RNF8: variants seen among roughly 807,000 people sequenced by gnomAD.
RNF8 encodes ring finger protein 8.
In RNF8, 8 loss-of-function variants were observed where a neutral mutation model predicts 59.3. The ratio of observed to expected loss-of-function variants is 0.13; its 90% CI spans 0.08 to 0.24. RNF8 has a LOEUF of 0.24. RNF8 is among the 10% of genes least tolerant of loss of function. The probability of loss-of-function intolerance (pLI) is 1.00; values close to 1 mark genes in which losing one functional copy is unlikely to be tolerated. For synonymous variants in RNF8, 162 were observed against 200.0 expected (o/e 0.81, Z 1.60); for missense variants, 406 against 572.6 (o/e 0.71, Z 2.97).
chr6:37,361,748 A>C (rs543814733), intron 2 of RNF8, among the ~76,000 whole-genome samples: 20 of 152,350 alleles, frequency 1.3e-4, no homozygotes, highest in African/African-American at 4.8e-4. Context: ...GTTGGAAAGT[A>C]TCTTCCTGCT....
At chr6:37,375,536 C>T (rs1044415172) in intron 5 of RNF8, among the ~76,000 whole-genome samples, 2 of 152,218 alleles carry the variant, frequency 1.3e-5, no homozygotes, top group Non-Finnish European at 2.9e-5. Context: ...ATCCCACCCC[C>T]TCCATGTACC....
At chr6:37,357,543 A>G (rs1042370519) in intron 1 of RNF8, among the ~76,000 whole-genome samples, 20 of 152,232 alleles carry the variant, frequency 1.3e-4, no homozygotes, top group African/African-American at 4.8e-4. Flanking sequence ...TAGAAATTTT[A>G]CTGAATATGG....
intron 5 of RNF8, among the ~76,000 whole-genome samples, chr6:37,376,530 C>T (rs113197088): frequency 2.5e-4 from 38 of 152,198 alleles, no homozygotes; most frequent in South Asian, 2.1e-4. Context: ...CCCTATATGG[C>T]GGAAGGGGCA....
chr6:37,373,556 G>A (rs944801024), intron 4 of RNF8, among the ~76,000 whole-genome samples: 3 of 152,024 alleles, frequency 2.0e-5, no homozygotes, highest in Non-Finnish European at 4.4e-5. Context: ...ATAGGCGCGC[G>A]CCACAATGCC....
At chr6:37,385,331 T>C (rs897665054) in intron 7 of RNF8, among the ~76,000 whole-genome samples, 1 of 150,226 alleles carries the variant, frequency 6.7e-6, no homozygotes, top group African/African-American at 2.4e-5. Flanking sequence ...TTTTTTACTT[T>C]AAACAATGTA....
Position 37,391,045 on chromosome 6 carries a change from T to G in RNF8, c.*287T>G. 1.8e-6 allele frequency: 1 copy of G among 541,338 alleles called. No homozygotes were observed. The highest frequency in any genetic ancestry group is 3.3e-6 in the Non-Finnish European group (1 of 304,182). The allele number at this position is 541,338 out of a possible 1,614,324, so 33.5% of individuals were successfully genotyped here. A position where few individuals can be genotyped will look rare whatever the true frequency, so the allele number is the denominator to read the frequency against. On this transcript the variant is annotated 3_prime_UTR_variant, in exon 8 of 8. Coordinates refer to ENST00000373479, the MANE Select transcript of RNF8 (RefSeq NM_003958.4). ...AAAGAGTTATTTGAGTTCTCTTCTG[T>G]TTTTTTTTAATTTGTTGTTGTTGTT...
chr6:37,354,093 G>A lies in RNF8; in HGVS notation c.-72G>A. ...GTTATTTAGATATGGAAGCTGAGGG[G>A]ATGCACAGAGGCAGCCAGAACCTAG... On this transcript the variant is annotated 5_prime_UTR_variant, in exon 1 of 8. Coordinates refer to ENST00000373479, the MANE Select transcript of RNF8 (RefSeq NM_003958.4). The A allele has an allele frequency of 8.3e-7, 1 of 1,207,836 alleles. No homozygotes were observed. The allele number at this position is 1,207,836 out of a possible 1,614,324, so 74.8% of individuals were successfully genotyped here.
chr6:37,381,606 A>T (rs913454720), intron 7 of RNF8, among the ~76,000 whole-genome samples: 8 of 152,110 alleles, frequency 5.3e-5, no homozygotes, highest in African/African-American at 1.9e-4. Context: ...TTGTGGGGGG[A>T]TAAAATGAAG....
rs1365042893 is a variant in RNF8, at chr6:37,354,226, G to A, written c.62G>A (p.Arg21Gln). Residue 21 changes from arginine to glutamine, a missense_variant, in exon 1 of 8, where the codon CGG becomes CAG. Arg to Gln is a conservative substitution (Grantham distance 43). Coordinates refer to ENST00000373479, the MANE Select transcript of RNF8 (RefSeq NM_003958.4). ...GCCGGTGGCCGGAGCTGGTGCCTGC[G>A]GCGGGTGGGGATGAGCGCCGGGTGG... ...DRAGGRSWCLRRVGMSAGWLL... is the reference protein window; with the variant it reads ...DRAGGRSWCLQRVGMSAGWLL... 8 of 1,575,436 alleles carry A rather than the reference G, an allele frequency of 5.1e-6. No individual in the cohort carries two copies. The East Asian group carries it at 1.2e-4, about 23-fold the overall frequency.
intron 3 of RNF8, among the ~76,000 whole-genome samples, chr6:37,369,623 C>T (rs1581678123): frequency 6.6e-6 from 1 of 152,258 alleles, no homozygotes; most frequent in African/African-American, 2.4e-5. Flanking sequence ...TATCTTTGCT[C>T]TGTGGCCAAG....
intron 1 of RNF8, among the ~76,000 whole-genome samples, chr6:37,355,453 T>C (rs1769077404): frequency 6.6e-6 from 1 of 152,190 alleles, no homozygotes; most frequent in African/African-American, 2.4e-5. Flanking sequence ...AAATAAAATT[T>C]CTGCGCTCGA....
intron 7 of RNF8, among the ~76,000 whole-genome samples, chr6:37,383,940 T>C (rs944347921): frequency 1.3e-5 from 2 of 152,168 alleles, no homozygotes; most frequent in African/African-American, 4.8e-5. Flanking sequence ...CCGTTTCTTC[T>C]GTTCTCATTC....
chr6:37,380,424 A>G (rs1770203914), intron 6 of RNF8, among the ~76,000 whole-genome samples: 1 of 152,070 alleles, frequency 6.6e-6, no homozygotes, highest in South Asian at 2.1e-4. Flanking sequence ...TAATCCCAGC[A>G]CTTTGGGAGG....
chr6:37,368,354 C>A, intron 2 of RNF8, 130 bp from the exon 3 acceptor site: 1 of 1,600,402 alleles, frequency 6.2e-7, no homozygotes. Flanking sequence ...GTTTATGAAT[C>A]TTTCTTTTCT....
rs1770786353 is a variant in RNF8, at chr6:37,393,696, A to C, written c.*2938A>C. The C allele has an allele frequency of 6.6e-6, 1 of 152,218 alleles. No homozygotes were observed. The highest frequency in any genetic ancestry group is 2.4e-5 in the African/African-American group (1 of 41,466). The allele number at this position is 152,218 out of a possible 1,614,324, so 9.4% of individuals were successfully genotyped here. Reference sequence around the variant, plus strand: ...CCTAGAAAGGGCTCACTCTACCTCTAGGCATGTTTCATCCCAACAATCAGA... The same window carrying C: ...CCTAGAAAGGGCTCACTCTACCTCTCGGCATGTTTCATCCCAACAATCAGA... On this transcript the variant is annotated 3_prime_UTR_variant, in exon 8 of 8. Transcript: ENST00000373479.
intron 1 of RNF8, among the ~76,000 whole-genome samples, chr6:37,356,172 C>A (rs1769108406): frequency 6.6e-6 from 1 of 152,196 alleles, no homozygotes; most frequent in African/African-American, 2.4e-5. Context: ...GGGCCAGTTG[C>A]ATGGGGAGGG....
chr6:37,358,702 TTAAAG>T (rs1769206474), intron 1 of RNF8, among the ~76,000 whole-genome samples: 2 of 152,194 alleles, frequency 1.3e-5, no homozygotes, highest in East Asian at 3.9e-4. Context: ...CTGAAAGATT[TTAAAG>T]AGAAGAGAAG....
At chr6:37,364,109 G>A (rs1444886111) in intron 2 of RNF8, among the ~76,000 whole-genome samples, 1 of 150,282 alleles carries the variant, frequency 6.7e-6, no homozygotes, top group African/African-American at 2.5e-5. Context: ...AACCTGGGAG[G>A]CGGAGCTTGC....
chr6:37,382,736 T>A (rs1470147685), intron 7 of RNF8, among the ~76,000 whole-genome samples: 1 of 152,010 alleles, frequency 6.6e-6, no homozygotes, highest in Non-Finnish European at 1.5e-5. Context: ...TCCCAGCACT[T>A]TGGGAGGCCA....
Sources: gnomAD v4.1 joint callset for allele counts (sites outside exome capture counted in the v4.1 genomes callset) on GRCh38, gnomAD v4.1.1 for gene constraint, MANE v1.5 for transcripts, NCBI Gene and HGNC (gene_info 2026-07-23, HGNC 2026-07-21) for gene names.